TSPEAR: variants seen among roughly 807,000 people sequenced by gnomAD.
TSPEAR encodes the protein thrombospondin-type laminin G domain and EAR repeat-containing protein.
Under a neutral mutation model 71.6 loss-of-function variants are expected in TSPEAR, and 69 were observed. The ratio of observed to expected loss-of-function variants is 0.96; its 90% CI spans 0.79 to 1.18. The LOEUF is 1.18. Among genes scored for constraint, TSPEAR ranks in the 50% most tolerant of loss-of-function variants. The pLI is 0.00. For synonymous variants in TSPEAR, 402 were observed against 387.2 expected, an observed-to-expected ratio of 1.04 and a Z score of -0.45; for missense variants, 971 against 894.9, an observed-to-expected ratio of 1.09 and a Z score of -1.09.
intron 1 of TSPEAR, among the ~76,000 whole-genome samples, chr21:44,589,581 C>T (rs1979615900): frequency 6.6e-6 from 1 of 152,218 alleles, no homozygotes; most frequent in Admixed American, 6.5e-5. Flanking sequence ...GGTGCTTTCA[C>T]TAGGAGTTGA....
At chr21:44,500,036 G>A in intron 11 of TSPEAR, 100 bp from the exon 12 acceptor site, 1 of 1,287,368 alleles carries the variant, frequency 7.8e-7, no homozygotes, top group South Asian at 1.4e-5. Flanking sequence ...GCAGCTCTGG[G>A]TCACATCTGA....
intron 6 of TSPEAR, 90 bp from the exon 7 acceptor site, chr21:44,527,608 G>C (rs1399267844): frequency 7.6e-7 from 1 of 1,309,250 alleles, no homozygotes; most frequent in Admixed American, 1.8e-5. Flanking sequence ...CAAGCCCCAA[G>C]TCACAAGCCA....
intron 9 of TSPEAR, chr21:44,519,453 C>T (rs2052687483): frequency 6.6e-6 from 1 of 152,414 alleles, no homozygotes; most frequent in Non-Finnish European, 1.5e-5. Context: ...ACCTCACCAG[C>T]CTCAAGTCCA....
At chr21:44,619,961 A>G (rs1982339338) in intron 1 of TSPEAR, among the ~76,000 whole-genome samples, 1 of 152,262 alleles carries the variant, frequency 6.6e-6, no homozygotes, top group Admixed American at 6.5e-5. Flanking sequence ...AAAATAGTTG[A>G]AGAAATAATG....
chr21:44,652,210 C>T (rs930753278), intron 1 of TSPEAR, among the ~76,000 whole-genome samples: 13 of 152,292 alleles, frequency 8.5e-5, no homozygotes, highest in South Asian at 2.1e-4. Context: ...GTCTCGATCT[C>T]CTGACCTCGT....
intron 1 of TSPEAR, chr21:44,574,422 T>G: frequency 1.2e-6 from 2 of 1,601,608 alleles, no homozygotes; most frequent in Non-Finnish European, 1.7e-6. Flanking sequence ...CTGCACCTCC[T>G]CCTCCTGCCA....
rs374320547 is a variant in TSPEAR, at chr21:44,601,234, A to G, written c.83-33229T>C. The stretch of plus-strand genomic sequence containing the variant: ...CCAATCAGGCTGCATCAGCTCCTGC[A>G]CGCCCTCGTGCTGCCAGCAGTCTAG... On this transcript the variant is annotated intron_variant, in intron 1 of 11. Transcript: ENST00000323084. The G allele has an allele frequency of 7.5e-6, 12 of 1,595,548 alleles. No homozygotes were observed. The African/African-American group carries it at 1.6e-4, about 21-fold the overall frequency.
intron 1 of TSPEAR, among the ~76,000 whole-genome samples, chr21:44,621,597 C>G (rs1220956614): frequency 3.3e-5 from 5 of 152,206 alleles, no homozygotes; most frequent in African/African-American, 9.6e-5. Context: ...TCCTCAGTTG[C>G]TCTCACTAGA....
intron 11 of TSPEAR, among the ~76,000 whole-genome samples, chr21:44,503,366 C>T (rs868929720): frequency 1.9e-4 from 22 of 113,446 alleles, no homozygotes; most frequent in Admixed American, 3.6e-4. Context: ...GGGAGGAAGC[C>T]GGCCTCGGTG....
chr21:44,610,126 T>G (rs587711366), intron 1 of TSPEAR, among the ~76,000 whole-genome samples: 1 of 152,126 alleles, frequency 6.6e-6, no homozygotes, highest in Non-Finnish European at 1.5e-5. Context: ...TTTGAAAAAT[T>G]TGTAGCCTGA....
At chr21:44,555,678 C>T (rs2053516442) in intron 2 of TSPEAR, among the ~76,000 whole-genome samples, 1 of 152,060 alleles carries the variant, frequency 6.6e-6, no homozygotes, top group African/African-American at 2.4e-5. Context: ...CATCCCACCC[C>T]CCTTCACAAG....
At position 44,705,504 on chromosome 21, in the gene TSPEAR, C is replaced by A. The variant is rs1442365458; in HGVS notation, c.82+5929G>T. On this transcript the variant is annotated intron_variant, in intron 1 of 11. Transcript: ENST00000323084. Reference sequence around the variant, plus strand: ...CAAATGGGAGAAATATCGCTGAATTCTTTTTCTCAGCATGGGATATCCCTG... The same window carrying A: ...CAAATGGGAGAAATATCGCTGAATTATTTTTCTCAGCATGGGATATCCCTG... Among the ~76,000 whole-genome samples the A allele has an allele frequency of 3.3e-5, 5 of 152,342 alleles. No homozygotes were observed. The East Asian group carries it at 5.8e-4, about 18-fold the overall frequency.
intron 9 of TSPEAR, among the ~76,000 whole-genome samples, chr21:44,510,313 G>A (rs1228720119): frequency 3.3e-5 from 5 of 152,316 alleles, no homozygotes; most frequent in African/African-American, 9.6e-5. Flanking sequence ...GTCATGCTGC[G>A]GGGCTGTGTC....
At chr21:44,523,332 A>T (rs2052775276) in intron 8 of TSPEAR, among the ~76,000 whole-genome samples, 1 of 152,002 alleles carries the variant, frequency 6.6e-6, no homozygotes, top group Non-Finnish European at 1.5e-5. Context: ...GTAGGTAGTC[A>T]CTCAGTGAAG....
chr21:44,598,533 T>C (rs416056), intron 1 of TSPEAR, among the ~76,000 whole-genome samples: 14,705 of 152,260 alleles, frequency 0.097, 905 homozygotes, highest in East Asian at 0.2. Flanking sequence ...TGATTATACA[T>C]AGTTTTTACT....
chr21:44,539,191 C>T (rs763282080), intron 2 of TSPEAR: 37 of 1,493,742 alleles, frequency 2.5e-5, no homozygotes, highest in Middle Eastern at 2.4e-4. Context: ...AGGGGAGACA[C>T]GGGGACCCGT....
intron 1 of TSPEAR, among the ~76,000 whole-genome samples, chr21:44,585,372 C>G (rs996160581): frequency 3.9e-5 from 6 of 152,218 alleles, no homozygotes; most frequent in African/African-American, 1.4e-4. Flanking sequence ...TCACCAGACC[C>G]CTCCCTAGTC....
intron 1 of TSPEAR, chr21:44,637,223 G>A: frequency 1.3e-6 from 1 of 748,170 alleles, no homozygotes; most frequent in Non-Finnish European, 2.2e-6. Context: ...TCATGGCAAA[G>A]GAAGCAGAAA....
At chr21:44,609,476 C>G (rs1260621011) in intron 1 of TSPEAR, among the ~76,000 whole-genome samples, 1 of 152,134 alleles carries the variant, frequency 6.6e-6, no homozygotes, top group Non-Finnish European at 1.5e-5. Flanking sequence ...GATCCAACAT[C>G]AGAGAGAGAT....
Sources: gnomAD v4.1 joint callset for allele counts (sites outside exome capture counted in the v4.1 genomes callset) on GRCh38, gnomAD v4.1.1 for gene constraint, MANE v1.5 for transcripts, NCBI Gene and HGNC (gene_info 2026-07-23, HGNC 2026-07-21) for gene names.